The following CCDC197 variants were observed in gnomAD, a reference collection of about 807,000 sequenced individuals.
The protein encoded by CCDC197 is coiled-coil domain containing 197, also known as uncharacterized protein CCDC197.
Under a neutral mutation model 13.4 loss-of-function variants are expected in CCDC197, and 24 were observed. The ratio of observed to expected loss-of-function variants is 1.80; its 90% CI spans 1.30 to 2.53. CCDC197 has a LOEUF of 2.53. CCDC197 is among the 30% of genes most tolerant of loss of function. The pLI, the probability that CCDC197 is intolerant of heterozygous loss-of-function variation, is 0.00. For missense variants in CCDC197, 255 were observed against 148.8 expected (o/e 1.71, Z -3.71); for synonymous variants, 99 against 55.5 (o/e 1.78, Z -3.48).
intron 1 of CCDC197, among the ~76,000 whole-genome samples, chr14:93,989,629 C>T (rs907129233): frequency 1.3e-5 from 2 of 152,222 alleles, no homozygotes; most frequent in Non-Finnish European, 2.9e-5. Context: ...CTCACATTGA[C>T]CTTGTTCCTC....
At chr14:94,002,868 CAA>C (rs1468473604) in intron 4 of CCDC197, among the ~76,000 whole-genome samples, 1 of 119,292 alleles carries the variant, frequency 8.4e-6, no homozygotes, top group Non-Finnish European at 1.8e-5. Context: ...AAAAAAAAAA[CAA>C]AATTATAAAG....
At chr14:94,011,068 A>G (rs1890800111), downstream of CCDC197, among the ~76,000 whole-genome samples, 2 of 152,148 alleles carry the variant, frequency 1.3e-5, no homozygotes, top group South Asian at 2.1e-4. Context: ...CAAATCCTAC[A>G]TGCTGAAGCC....
intron 1 of CCDC197, among the ~76,000 whole-genome samples, chr14:93,987,722 C>T (rs762186400): frequency 2.0e-5 from 3 of 152,100 alleles, no homozygotes; most frequent in African/African-American, 7.2e-5. Flanking sequence ...TCCTAACGGG[C>T]GGGAGTGAGG....
At chr14:94,008,953 G>A, downstream of CCDC197, 1 of 579,828 alleles carries the variant, frequency 1.7e-6, no homozygotes, top group Non-Finnish European at 3.1e-6. Context: ...GGCTCAGCTA[G>A]GGTTGGGGGT....
chr14:93,994,816 T>C (rs1890255077), upstream of CCDC197, among the ~76,000 whole-genome samples: 1 of 152,130 alleles, frequency 6.6e-6, no homozygotes, highest in South Asian at 2.1e-4. Flanking sequence ...GGGTCAGTGG[T>C]CTGACTGTCC....
intron 4 of CCDC197, among the ~76,000 whole-genome samples, chr14:94,002,525 C>T (rs1890552171): frequency 6.6e-6 from 1 of 152,056 alleles, no homozygotes; most frequent in Non-Finnish European, 1.5e-5. Context: ...TCTCATGCTG[C>T]TAATAAAGAA....
At chr14:93,995,015 C>T (rs9323898), upstream of CCDC197, among the ~76,000 whole-genome samples, 94,210 of 152,090 alleles carry the variant, frequency 0.62, 31,361 homozygotes, top group East Asian at 0.98. Flanking sequence ...TGGGCCTCAG[C>T]TTTGCCCTCT....
chr14:93,997,881 T>G, intron 1 of CCDC197, 118 bp from the exon 2 acceptor site: 1 of 513,778 alleles, frequency 1.9e-6, no homozygotes, highest in Non-Finnish European at 3.5e-6. Flanking sequence ...GAGCTGGGGA[T>G]GCAGCCCGAA....
At chr14:94,008,981 G>A, downstream of CCDC197, 1 of 555,392 alleles carries the variant, frequency 1.8e-6, no homozygotes, top group Non-Finnish European at 3.2e-6. Flanking sequence ...CCCATCCTGG[G>A]GGATTGGCAG....
chr14:94,001,271 C>A lies in CCDC197; in HGVS notation c.314C>A (p.Ala105Asp), dbSNP rs768913134. Residue 105 changes from alanine (A) to aspartate (D), a missense_variant, in exon 4 of 7, where the codon GCT (alanine) becomes GAT (aspartate). By Grantham distance (126) the Ala-to-Asp change is moderately radical. Transcript: ENST00000636493. Reference protein sequence around the residue: ...RLEAFCQMIQAVHRSLESLEE... With the variant: ...RLEAFCQMIQDVHRSLESLEE... ...GAGGCCTTCTGCCAGATGATCCAGG[C>A]TGTCCACCGGAGCCTGGAGTCTCTG... The A allele has an allele frequency of 1.9e-5, 15 of 780,710 alleles. No homozygotes were observed. The highest frequency in any genetic ancestry group is 1.2e-4 in the Admixed American group (7 of 58,988). 48.4% of individuals were successfully genotyped at this position (780,710 alleles called of 1,614,324 possible). A position where few individuals can be genotyped will look rare whatever the true frequency, so the allele number is the denominator to read the frequency against.
At chr14:93,999,509 G>A in intron 2 of CCDC197, 74 bp from the exon 3 acceptor site, 1 of 769,002 alleles carries the variant, frequency 1.3e-6, no homozygotes, top group Non-Finnish European at 2.4e-6. Context: ...ACAGAGGGTG[G>A]TCCAGGTTCA....
At chr14:94,010,607 T>A (rs184301089), downstream of CCDC197, among the ~76,000 whole-genome samples, 9 of 152,154 alleles carry the variant, frequency 5.9e-5, no homozygotes, top group Admixed American at 2.6e-4. Context: ...AGGGTTTGAG[T>A]GGGATCTCAG....
intron 1 of CCDC197, among the ~76,000 whole-genome samples, chr14:93,987,629 C>T (rs1890121450): frequency 6.6e-6 from 1 of 152,134 alleles, no homozygotes; most frequent in South Asian, 2.1e-4. Flanking sequence ...AGCAGCCTGG[C>T]TCCCTTCCTC....
chr14:93,995,425 G>A (rs919805103), upstream of CCDC197, among the ~76,000 whole-genome samples: 7 of 152,184 alleles, frequency 4.6e-5, no homozygotes, highest in African/African-American at 1.7e-4. Context: ...GGACCTATCC[G>A]GAGCTGGGGA....
At chr14:94,006,723 A>T (rs1890691290) in intron 6 of CCDC197, among the ~76,000 whole-genome samples, 1 of 152,174 alleles carries the variant, frequency 6.6e-6, no homozygotes, top group Admixed American at 6.5e-5. Context: ...CCCTTATCAA[A>T]TATATGATTG....
In CCDC197 at chr14:93,988,924, A is replaced by G. The variant is rs552466297; in HGVS notation, c.-107+1528A>G. On this transcript the variant is annotated intron_variant, in intron 1 of 7. Transcript: ENST00000640978. ...GATGGGAGCAGGGATTGGAGGAGGG[A>G]ATGGGAGGAGGGGATGGGAGAGAGG... 3.9e-3 allele frequency among the ~76,000 whole-genome samples: 416 copies of G among 106,764 alleles called. 1 individual carries two copies. The highest frequency in any genetic ancestry group is 0.012 in the African/African-American group (349 of 28,070). 70.0% of individuals were successfully genotyped at this position (106,764 alleles called of 152,430 possible).
intron 3 of CCDC197, 105 bp downstream of exon 3, chr14:93,999,770 T>C (rs1890436756): frequency 2.8e-6 from 2 of 711,948 alleles, no homozygotes; most frequent in Admixed American, 3.9e-5. Flanking sequence ...GCTGCTCATC[T>C]ACAGAATGGG....
chr14:93,992,407 G>A (rs148271359), upstream of CCDC197, among the ~76,000 whole-genome samples: 677 of 152,182 alleles, frequency 4.4e-3, 7 homozygotes, highest in African/African-American at 0.015. Flanking sequence ...GGCATGGAGG[G>A]GCATGACTTG....
In CCDC197 at chr14:94,003,196, CA is replaced by C. The variant is rs1567043875; in HGVS notation, c.367-25del. 1 of 775,952 alleles carries C rather than the reference CA, an allele frequency of 1.3e-6. No individual in the cohort carries two copies. The highest frequency in any genetic ancestry group is 2.7e-4 in the Middle Eastern group (1 of 3,648). The allele number at this position is 775,952 out of a possible 1,614,324, so 48.1% of individuals were successfully genotyped here. On this transcript the variant is annotated intron_variant, in intron 4 of 6. Coordinates refer to ENST00000636493, the MANE Select transcript of CCDC197 (RefSeq NM_001351596.2). The surrounding 1 kb of genome is among the most constrained non-coding windows in gnomAD (Gnocchi z 5.0). ...ATATGCCCTGGAGGGTTTGTTGTAC[CA>C]AGATGGCCCATTCCCTCTGCCCCAG...
Sources: allele counts gnomAD v4.1 joint callset (sites outside exome capture counted in the v4.1 genomes callset), GRCh38; gene constraint gnomAD v4.1.1; non-coding constraint Gnocchi (gnomAD v3.1); transcripts MANE v1.5; gene names NCBI Gene and HGNC (gene_info 2026-07-23, HGNC 2026-07-21).